The following PTPRG variants were observed in gnomAD, a reference collection of about 807,000 sequenced individuals.
PTPRG encodes the protein receptor-type tyrosine-protein phosphatase gamma.
PTPRG carries 102 observed loss-of-function variants against 165.3 expected under a neutral mutation model. That is an observed-to-expected ratio of 0.62 (90% CI 0.53 to 0.73). The LOEUF (loss-of-function observed/expected upper bound fraction) is 0.73. Ranked by LOEUF, PTPRG falls within the 30% of genes least tolerant of loss-of-function variation. The pLI, the probability that PTPRG is intolerant of heterozygous loss-of-function variation, is 0.00. For synonymous variants in PTPRG, 675 were observed against 669.5 expected (o/e 1.01, Z -0.13); for missense variants, 1,866 against 1,861.4 (o/e 1.00, Z -0.05).
chr3:62,005,690 CTTTTTTTTTT>C (rs35487954), intron 4 of PTPRG, among the ~76,000 whole-genome samples: 2 of 60,336 alleles, frequency 3.3e-5, no homozygotes, highest in Non-Finnish European at 5.5e-5. Flanking sequence ...CATTAATATC[CTTTTTTTTTT>C]TTTTTTTTTT....
At position 62,192,131 on chromosome 3, in the gene PTPRG, C is replaced by T. The variant is rs1190216015; in HGVS notation, c.1218+478C>T. Among the ~76,000 whole-genome samples the T allele has an allele frequency of 2.0e-5, 3 of 152,186 alleles. 1 individual carries two copies. The highest frequency in any genetic ancestry group is 4.8e-5 in the African/African-American group (2 of 41,442). ...TCACCACCACCACTGTCCACAGTCGCTGCCACTTCCCTTTGTCACATTTGT... is the reference window on the plus strand; with the variant it reads ...TCACCACCACCACTGTCCACAGTCGTTGCCACTTCCCTTTGTCACATTTGT... On this transcript the variant is annotated intron_variant, in intron 9 of 29. Transcript: ENST00000474889.
intron 1 of PTPRG, among the ~76,000 whole-genome samples, chr3:61,608,471 T>C (rs957412436): frequency 2.0e-5 from 3 of 152,150 alleles, no homozygotes; most frequent in Admixed American, 6.5e-5. Flanking sequence ...AGCCTGGGAA[T>C]CTGTATTCTG....
chr3:62,112,446 TTC>T (rs1559520718), intron 5 of PTPRG, among the ~76,000 whole-genome samples: 1 of 152,244 alleles, frequency 6.6e-6, no homozygotes, highest in Non-Finnish European at 1.5e-5. Context: ...CAAACATTTG[TTC>T]TCTCAAAGTC....
At chr3:62,167,431 G>C (rs975959689) in intron 7 of PTPRG, among the ~76,000 whole-genome samples, 8 of 152,158 alleles carry the variant, frequency 5.3e-5, no homozygotes, top group African/African-American at 9.7e-5. Context: ...ACTGTACTTG[G>C]TTTAAATATT....
chr3:62,106,735 A>T (rs1010827516), intron 5 of PTPRG, among the ~76,000 whole-genome samples: 1 of 152,088 alleles, frequency 6.6e-6, no homozygotes, highest in Non-Finnish European at 1.5e-5. Flanking sequence ...GAAACTATAC[A>T]TACCTCTAGG....
intron 4 of PTPRG, among the ~76,000 whole-genome samples, chr3:62,026,624 C>G (rs1026548952): frequency 1.3e-5 from 2 of 152,124 alleles, no homozygotes; most frequent in Non-Finnish European, 2.9e-5. Flanking sequence ...CGGTGGCTCA[C>G]GCCTGTAATT....
chr3:61,796,628 C>G (rs1342135955), intron 2 of PTPRG, among the ~76,000 whole-genome samples: 1 of 152,202 alleles, frequency 6.6e-6, no homozygotes, highest in Non-Finnish European at 1.5e-5. Context: ...GTTGCCCGCA[C>G]CTTTGCCCTT....
chr3:62,033,541 C>A (rs796666974), intron 4 of PTPRG, among the ~76,000 whole-genome samples: 1 of 81,176 alleles, frequency 1.2e-5, no homozygotes, highest in Non-Finnish European at 2.6e-5. Flanking sequence ...CCCCCCCCCA[C>A]CCCCCACCAG....
rs1470235868 is a variant in PTPRG, at chr3:62,047,967, A to AT, written c.520-30189dup. Among the ~76,000 whole-genome samples the AT allele has an allele frequency of 3.9e-5, 6 of 152,086 alleles. No homozygotes were observed. The East Asian group carries it at 5.8e-4, about 15-fold the overall frequency. On this transcript the variant is annotated intron_variant, in intron 4 of 29. Transcript: ENST00000474889. Reference sequence around the variant, plus strand: ...GGGATGCATAGCTAATTTCACTCATATTTTTTTAATGTGCATTAGTAACCT... The same window carrying AT: ...GGGATGCATAGCTAATTTCACTCATATTTTTTTTAATGTGCATTAGTAACCT...
chr3:62,161,078 G>A (rs998704992), intron 7 of PTPRG, among the ~76,000 whole-genome samples: 3 of 151,828 alleles, frequency 2.0e-5, no homozygotes, highest in Admixed American at 6.6e-5. Flanking sequence ...TTGGTGCCTC[G>A]GTTTTCTCCT....
intron 1 of PTPRG, among the ~76,000 whole-genome samples, chr3:61,707,740 A>G (rs2031335417): frequency 6.6e-6 from 1 of 152,218 alleles, no homozygotes; most frequent in Non-Finnish European, 1.5e-5. Context: ...AAGTTGACAC[A>G]TAAACTTTAC....
intron 14 of PTPRG, among the ~76,000 whole-genome samples, chr3:62,234,921 A>C (rs974513030): frequency 6.6e-6 from 1 of 151,226 alleles, no homozygotes; most frequent in Non-Finnish European, 1.5e-5. Context: ...TGATCGTGTG[A>C]TGTCTGAATC....
intron 2 of PTPRG, among the ~76,000 whole-genome samples, chr3:61,799,411 C>T (rs1023918684): frequency 1.3e-5 from 2 of 152,124 alleles, no homozygotes; most frequent in African/African-American, 4.8e-5. Context: ...CTTTTCTGTT[C>T]CAAGATCCCA....
intron 2 of PTPRG, among the ~76,000 whole-genome samples, chr3:61,864,536 A>G (rs777417665): frequency 2.8e-4 from 43 of 152,214 alleles, no homozygotes; most frequent in Admixed American, 9.2e-4. Context: ...TTAGGAAACC[A>G]GAGTCATTTG....
intron 1 of PTPRG, among the ~76,000 whole-genome samples, chr3:61,637,423 G>A (rs1356013302): frequency 2.0e-5 from 3 of 152,162 alleles, no homozygotes; most frequent in African/African-American, 7.2e-5. Flanking sequence ...GAGTGAAGCA[G>A]TCCCCACAAT....
At chr3:61,585,089 T>C (rs1575519044) in intron 1 of PTPRG, among the ~76,000 whole-genome samples, 1 of 152,082 alleles carries the variant, frequency 6.6e-6, no homozygotes, top group South Asian at 2.1e-4. Flanking sequence ...CAGACCAGCC[T>C]GGCCAACATG....
chr3:62,277,525 G>A, intron 25 of PTPRG, 26 bp from the exon 26 acceptor site: 1 of 1,604,558 alleles, frequency 6.2e-7, no homozygotes, highest in Non-Finnish European at 8.5e-7. Flanking sequence ...CATATTCACT[G>A]ATTTTTTTTG....
Position 62,219,070 on chromosome 3 carries a change from C to A in PTPRG, c.2288+87C>A, listed in dbSNP as rs1264868577. On this transcript the variant is annotated intron_variant, in intron 13 of 29. Coordinates refer to ENST00000474889, the MANE Select transcript of PTPRG (RefSeq NM_002841.4). This position sits in a 1 kb window ranked among gnomAD's most constrained non-coding sequence, Gnocchi z 4.5. ...CGGGAGGGGAATCCCACGGCCTCTG[C>A]ATTCAGGAAGGTGAGGTAGCTTAAG... 4 of 1,515,608 alleles carry A rather than the reference C, an allele frequency of 2.6e-6. No homozygotes were observed. In the African/African-American group the frequency reaches 5.6e-5, roughly 21 times the overall value. The allele number at this position is 1,515,608 out of a possible 1,614,324, so 93.9% of individuals were successfully genotyped here. A position where few individuals can be genotyped will look rare whatever the true frequency, so the allele number is the denominator to read the frequency against.
At chr3:61,732,709 A>AAAATAAATAAATAAAT (rs10593342) in intron 1 of PTPRG, among the ~76,000 whole-genome samples, 2 of 143,132 alleles carry the variant, frequency 1.4e-5, no homozygotes, top group East Asian at 2.0e-4. Flanking sequence ...ACTCCGTCTC[A>AAAATAAATAAATAAAT]AAATAAATAA....
Sources: gnomAD v4.1 joint callset for allele counts (sites outside exome capture counted in the v4.1 genomes callset) on GRCh38, gnomAD v4.1.1 for gene constraint, Gnocchi (gnomAD v3.1) non-coding constraint, MANE v1.5 for transcripts, NCBI Gene and HGNC (gene_info 2026-07-23, HGNC 2026-07-21) for gene names.